EFHD1: variants seen among roughly 807,000 people sequenced by gnomAD.
EFHD1 encodes the protein EF-hand domain-containing protein D1.
EFHD1 carries 10 observed loss-of-function variants against 17.2 expected under a neutral mutation model. The ratio of observed to expected loss-of-function variants is 0.58; its 90% CI spans 0.36 to 0.99. The LOEUF (loss-of-function observed/expected upper bound fraction) is 0.99. Among genes scored for constraint, EFHD1 ranks in the 50% least tolerant of loss-of-function variants. The probability of loss-of-function intolerance (pLI) is 0.01; values close to 1 mark genes in which losing one functional copy is unlikely to be tolerated. For missense variants in EFHD1, 310 were observed against 327.5 expected (o/e 0.95, Z 0.41); for synonymous variants, 153 against 142.0 (o/e 1.08, Z -0.55).
chr2:232,627,627 G>T (rs553936620), intron 1 of EFHD1, among the ~76,000 whole-genome samples: 5 of 152,088 alleles, frequency 3.3e-5, no homozygotes, highest in Admixed American at 6.6e-5. Flanking sequence ...TCAAATGCAG[G>T]AGCAGATGTG....
chr2:232,657,808 A>C (rs557200481), intron 1 of EFHD1, among the ~76,000 whole-genome samples: 1 of 141,984 alleles, frequency 7.0e-6, no homozygotes, highest in Non-Finnish European at 1.5e-5. Context: ...ATGAAACTCC[A>C]TCTCAAAAAA....
intron 1 of EFHD1, among the ~76,000 whole-genome samples, chr2:232,661,480 C>T (rs1484325909): frequency 6.6e-6 from 1 of 152,058 alleles, no homozygotes; most frequent in Non-Finnish European, 1.5e-5. Context: ...TAAGCCTTCC[C>T]TTCCTTTTTA....
At chr2:232,652,678 C>G (rs918690844) in intron 1 of EFHD1, among the ~76,000 whole-genome samples, 1 of 152,088 alleles carries the variant, frequency 6.6e-6, no homozygotes, top group East Asian at 1.9e-4. Context: ...GACAATGCCT[C>G]GTGAACTGCA....
intron 1 of EFHD1, among the ~76,000 whole-genome samples, chr2:232,651,774 A>T (rs1472176375): frequency 6.6e-6 from 1 of 152,218 alleles, no homozygotes; most frequent in Non-Finnish European, 1.5e-5. Flanking sequence ...GTGAGCCGAG[A>T]TTGCGCCACT....
chr2:232,655,453 G>A (rs1694743213), intron 1 of EFHD1, among the ~76,000 whole-genome samples: 2 of 152,256 alleles, frequency 1.3e-5, no homozygotes, highest in Admixed American at 1.3e-4. Context: ...GCAGAGGACT[G>A]TGTGGTCAGA....
At chr2:232,653,281 C>G (rs1194706157) in intron 1 of EFHD1, among the ~76,000 whole-genome samples, 1 of 152,066 alleles carries the variant, frequency 6.6e-6, no homozygotes, top group African/African-American at 2.4e-5. Flanking sequence ...GCATGAGCCA[C>G]TGTGCCCAGC....
At chr2:232,681,535 TC>T in intron 3 of EFHD1, 49 bp from the exon 4 acceptor site, 1 of 1,591,500 alleles carries the variant, frequency 6.3e-7, no homozygotes, top group Non-Finnish European at 8.6e-7. Flanking sequence ...AGCTCCAGGG[TC>T]CTCTGCCCTC....
At chr2:232,663,001 T>C in intron 2 of EFHD1, 52 bp downstream of exon 2, 1 of 1,499,224 alleles carries the variant, frequency 6.7e-7, no homozygotes, top group Non-Finnish European at 8.8e-7. Flanking sequence ...TGAGAGGACC[T>C]TCAGGTGTAC....
At chr2:232,630,797 A>AAAAG (rs1553596827), upstream of EFHD1, among the ~76,000 whole-genome samples, 232 of 138,098 alleles carry the variant, frequency 1.7e-3, 5 homozygotes, top group South Asian at 3.8e-3. Flanking sequence ...AAAAAAAAAA[A>AAAAG]AAAGAAAGAA....
At chr2:232,648,919 C>G (rs938111317) in intron 1 of EFHD1, among the ~76,000 whole-genome samples, 2 of 152,104 alleles carry the variant, frequency 1.3e-5, no homozygotes, top group Non-Finnish European at 2.9e-5. Flanking sequence ...ATGCAGGCAA[C>G]CCCCTCCCAT....
upstream of EFHD1, among the ~76,000 whole-genome samples, chr2:232,631,978 G>A (rs1262333686): frequency 6.6e-6 from 1 of 151,386 alleles, no homozygotes; most frequent in Non-Finnish European, 1.5e-5. Flanking sequence ...ACTCCAGCCT[G>A]GGAAACAAGA....
chr2:232,633,501 G>A, upstream of EFHD1: 2 of 1,253,988 alleles, frequency 1.6e-6, no homozygotes, highest in Non-Finnish European at 2.0e-6. Flanking sequence ...GCTGGCAGTC[G>A]CTGAGCCCTG....
At chr2:232,672,633 C>T (rs1424333577) in intron 3 of EFHD1, among the ~76,000 whole-genome samples, 190 bp downstream of exon 3, 3 of 152,132 alleles carry the variant, frequency 2.0e-5, no homozygotes, top group African/African-American at 7.2e-5. Context: ...CCTCCATCTC[C>T]CTACCCTGTC....
At position 232,656,795 on chromosome 2, in the gene EFHD1, T is replaced by A. The variant is rs574284083; in HGVS notation, c.303-6007T>A. ...TATACATAATGTGAAATTTAGCAGT[T>A]TTGTTTTGTTTGAGACAGGGTCGCA... On this transcript the variant is annotated intron_variant, in intron 1 of 3. Transcript: ENST00000264059. Among the ~76,000 whole-genome samples the A allele has an allele frequency of 6.0e-4, 91 of 152,222 alleles. 1 individual carries two copies. The South Asian group carries it at 7.9e-3, about 13-fold the overall frequency.
At chr2:232,677,489 G>A (rs1574737762) in intron 3 of EFHD1, among the ~76,000 whole-genome samples, 1 of 151,994 alleles carries the variant, frequency 6.6e-6, no homozygotes, top group Middle Eastern at 3.4e-3. Flanking sequence ...GGAGGCTGAG[G>A]TGGGAGGATT....
chr2:232,641,605 C>T (rs1423499809), intron 1 of EFHD1, among the ~76,000 whole-genome samples: 1 of 152,194 alleles, frequency 6.6e-6, no homozygotes, highest in African/African-American at 2.4e-5. Context: ...CTGCAGCCTG[C>T]CATTGTGATA....
chr2:232,633,850 C>A lies in EFHD1; in HGVS notation c.146C>A (p.Ala49Asp). 6.7e-7 allele frequency: 1 copy of A among 1,500,922 alleles called. No homozygotes were observed. Among genetic ancestry groups the A allele is most frequent in the Non-Finnish European group, 8.8e-7 (1 of 1,133,532 alleles). The allele number at this position is 1,500,922 out of a possible 1,614,324, so 93.0% of individuals were successfully genotyped here. Reference sequence around the variant, plus strand: ...GAGCCTCCCGCCCGTGCGCCCACGGCCAGCGCCGACGCGGAGCTGAGCGCC... The same window carrying A: ...GAGCCTCCCGCCCGTGCGCCCACGGACAGCGCCGACGCGGAGCTGAGCGCC... ...EPEPPARAPT[A>D]SADAELSAQL... The change falls in exon 1 of 4, where the codon GCC becomes GAC. Residue 49 changes from alanine (A) to aspartate (D), a missense_variant. Coordinates refer to ENST00000264059, the MANE Select transcript of EFHD1 (RefSeq NM_025202.4).
intron 2 of EFHD1, among the ~76,000 whole-genome samples, chr2:232,667,099 C>G (rs1432756960): frequency 6.6e-6 from 1 of 152,202 alleles, no homozygotes; most frequent in Admixed American, 6.6e-5. Flanking sequence ...CTTGTTCTTG[C>G]ACTTCCAGCT....
rs185984655 is a variant in EFHD1 at position 232,664,135 on chromosome 2, A to G, written c.450+1186A>G. The stretch of plus-strand genomic sequence containing the variant: ...CTTTATATTTTCGTTTTCATTGTTT[A>G]TTCATTTATTTATTTATTTACTTGA... On this transcript the variant is annotated intron_variant, in intron 2 of 3. Coordinates refer to ENST00000264059, the MANE Select transcript of EFHD1 (RefSeq NM_025202.4). Among the ~76,000 whole-genome samples, 148 of 150,796 alleles carry G rather than the reference A, an allele frequency of 9.8e-4. 2 individuals carry two copies. Among genetic ancestry groups the G allele is most frequent in the African/African-American group, 3.4e-3 (141 of 41,000 alleles).
Sources: gnomAD v4.1 joint callset for allele counts (sites outside exome capture counted in the v4.1 genomes callset) on GRCh38, gnomAD v4.1.1 for gene constraint, MANE v1.5 for transcripts, NCBI Gene and HGNC (gene_info 2026-07-23, HGNC 2026-07-21) for gene names.